MTUS2: variants seen among roughly 807,000 people sequenced by gnomAD.
MTUS2 encodes the protein microtubule-associated tumor suppressor candidate 2.
In MTUS2, 40 loss-of-function variants were observed where a neutral mutation model predicts 114.1. That is an observed-to-expected ratio of 0.35 (90% CI 0.27 to 0.46). MTUS2 has a LOEUF of 0.46. MTUS2 is among the 20% of genes least tolerant of loss of function. MTUS2 has a pLI of 1.00. For synonymous variants in MTUS2, 688 were observed against 672.0 expected (o/e 1.02, Z -0.37); for missense variants, 1,679 against 1,705.4 (o/e 0.98, Z 0.27).
intron 2 of MTUS2, among the ~76,000 whole-genome samples, chr13:28,948,009 A>T (rs544234930): frequency 9.2e-5 from 14 of 152,336 alleles, no homozygotes; most frequent in African/African-American, 3.4e-4. Context: ...TTCTTTAGAA[A>T]TTCAAACCAA....
chr13:29,134,039 C>T (rs898250755), intron 5 of MTUS2, among the ~76,000 whole-genome samples: 1 of 152,024 alleles, frequency 6.6e-6, no homozygotes, highest in East Asian at 1.9e-4. Flanking sequence ...CAAATTTGCC[C>T]TTTGGCACTG....
At chr13:29,130,501 A>G (rs1223091029) in intron 5 of MTUS2, among the ~76,000 whole-genome samples, 2 of 152,056 alleles carry the variant, frequency 1.3e-5, no homozygotes, top group East Asian at 3.9e-4. Flanking sequence ...TGCCCACATT[A>G]ATGACATGAC....
chr13:29,243,646 G>T (rs1896808018), intron 5 of MTUS2, among the ~76,000 whole-genome samples: 1 of 152,138 alleles, frequency 6.6e-6, no homozygotes, highest in Non-Finnish European at 1.5e-5. Context: ...TACACACTTG[G>T]GGTAGGGAGC....
At chr13:28,910,259 C>A (rs1359772029) in intron 2 of MTUS2, among the ~76,000 whole-genome samples, 1 of 152,178 alleles carries the variant, frequency 6.6e-6, no homozygotes, top group Non-Finnish European at 1.5e-5. Context: ...TTAGCTCCCA[C>A]AAATAAGCGA....
intron 8 of MTUS2, among the ~76,000 whole-genome samples, chr13:29,382,368 G>T (rs1872277030): frequency 1.3e-5 from 2 of 152,188 alleles, no homozygotes; most frequent in Admixed American, 6.5e-5. Flanking sequence ...ATGGGGGAGG[G>T]TGATGGGGGC....
At chr13:29,497,042 G>A (rs76974499) in intron 12 of MTUS2, among the ~76,000 whole-genome samples, 196 bp from the exon 13 acceptor site, 1 of 152,124 alleles carries the variant, frequency 6.6e-6, no homozygotes, top group Non-Finnish European at 1.5e-5. Context: ...AGGGAGCCGA[G>A]GGCAGGCGTT....
At chr13:28,878,047 G>A (rs1334879576) in intron 2 of MTUS2, among the ~76,000 whole-genome samples, 1 of 152,148 alleles carries the variant, frequency 6.6e-6, no homozygotes, top group Non-Finnish European at 1.5e-5. Context: ...GAGCGTTTGA[G>A]TAGTGGCTGG....
intron 2 of MTUS2, among the ~76,000 whole-genome samples, chr13:28,851,962 C>T (rs1876303163): frequency 6.6e-6 from 1 of 152,198 alleles, no homozygotes; most frequent in Non-Finnish European, 1.5e-5. Context: ...TGATAGCACT[C>T]TCATGTTCAC....
intron 3 of MTUS2, among the ~76,000 whole-genome samples, chr13:29,031,378 T>C (rs1335757889): frequency 6.6e-6 from 1 of 151,958 alleles, no homozygotes; most frequent in Non-Finnish European, 1.5e-5. Flanking sequence ...TATAGATGTA[T>C]ATATAGAGAG....
At chr13:29,215,658 G>T (rs2139300802) in intron 5 of MTUS2, among the ~76,000 whole-genome samples, 1 of 152,190 alleles carries the variant, frequency 6.6e-6, no homozygotes, top group South Asian at 2.1e-4. Flanking sequence ...GCTGGAATTT[G>T]CTGGAGGTCT....
At chr13:28,991,512 G>A (rs1884852670) in intron 2 of MTUS2, among the ~76,000 whole-genome samples, 2 of 151,978 alleles carry the variant, frequency 1.3e-5, no homozygotes, top group South Asian at 2.1e-4. Context: ...AGGGCTACAG[G>A]TGCCCACCAC....
intron 5 of MTUS2, among the ~76,000 whole-genome samples, chr13:29,193,266 G>C (rs778513455): frequency 5.9e-5 from 9 of 152,090 alleles, no homozygotes; most frequent in African/African-American, 2.2e-4. Flanking sequence ...GGACTCGAAA[G>C]GGGGAGAGTA....
At chr13:28,988,212 G>C (rs1884674964) in intron 2 of MTUS2, among the ~76,000 whole-genome samples, 1 of 152,020 alleles carries the variant, frequency 6.6e-6, no homozygotes, top group Admixed American at 6.6e-5. Context: ...GATGTATATG[G>C]ATTATGCTAA....
chr13:29,276,983 TG>T (rs1183426393), intron 5 of MTUS2, among the ~76,000 whole-genome samples: 1 of 152,084 alleles, frequency 6.6e-6, no homozygotes, highest in East Asian at 1.9e-4. Flanking sequence ...GACATATGAT[TG>T]TTTACTGGAA....
At chr13:28,932,537 C>T (rs1340338610) in intron 2 of MTUS2, among the ~76,000 whole-genome samples, 5 of 152,096 alleles carry the variant, frequency 3.3e-5, no homozygotes, top group African/African-American at 9.7e-5. Flanking sequence ...GGCTTGTGCT[C>T]AGGTGATTCA....
intron 2 of MTUS2, among the ~76,000 whole-genome samples, chr13:28,995,446 G>T (rs2138355761): frequency 6.6e-6 from 1 of 152,242 alleles, no homozygotes; most frequent in African/African-American, 2.4e-5. Flanking sequence ...GAAAGTCATT[G>T]GTAGATTGAT....
intron 6 of MTUS2, among the ~76,000 whole-genome samples, chr13:29,323,993 C>T (rs1482889282): frequency 6.6e-6 from 1 of 152,200 alleles, no homozygotes; most frequent in East Asian, 1.9e-4. Flanking sequence ...AGAAGCTGCA[C>T]TGTGCCCTGG....
At chr13:28,951,717 A>G (rs1417119813) in intron 2 of MTUS2, among the ~76,000 whole-genome samples, 1 of 152,100 alleles carries the variant, frequency 6.6e-6, no homozygotes, top group Middle Eastern at 3.2e-3. Flanking sequence ...GAGAATTGCC[A>G]GAACCCAGGA....
chr13:28,955,147 A>AT (rs1882998102), intron 2 of MTUS2, among the ~76,000 whole-genome samples: 1 of 152,160 alleles, frequency 6.6e-6, no homozygotes. Context: ...TTTCTAACCT[A>AT]TGACACTGTC....
Sources: allele counts gnomAD v4.1 joint callset (sites outside exome capture counted in the v4.1 genomes callset), GRCh38; gene constraint gnomAD v4.1.1; transcripts MANE v1.5; gene names NCBI Gene and HGNC (gene_info 2026-07-23, HGNC 2026-07-21).